Variants in ARPC3 observed in about 807,000 individuals in gnomAD.
The protein encoded by ARPC3 is actin related protein 2/3 complex subunit 3, also known as actin-related protein 2/3 complex subunit 3.
Under a neutral mutation model 27.6 loss-of-function variants are expected in ARPC3, and 12 were observed. The ratio of observed to expected loss-of-function variants is 0.43; its 90% CI spans 0.28 to 0.70. The LOEUF (loss-of-function observed/expected upper bound fraction) is 0.70. Among genes scored for constraint, ARPC3 ranks in the 30% least tolerant of loss-of-function variants. The probability of loss-of-function intolerance (pLI) is 0.17; values close to 1 mark genes in which losing one functional copy is unlikely to be tolerated. For missense variants in ARPC3, 153 were observed against 207.7 expected, an observed-to-expected ratio of 0.74 and a Z score of 1.62; for synonymous variants, 53 against 67.2, an observed-to-expected ratio of 0.79 and a Z score of 1.03.
At chr12:110,438,074 T>C (rs989101189) in intron 3 of ARPC3, among the ~76,000 whole-genome samples, 8 of 151,830 alleles carry the variant, frequency 5.3e-5, no homozygotes, top group Admixed American at 6.6e-5. Flanking sequence ...GGTGGGTGGA[T>C]TGCTTGAGCC....
intron 1 of ARPC3, among the ~76,000 whole-genome samples, chr12:110,448,526 A>G (rs1258594608): frequency 6.6e-6 from 1 of 151,548 alleles, no homozygotes; most frequent in African/African-American, 2.4e-5. Flanking sequence ...AAAACACAAA[A>G]ACTTAGCTGG....
intron 6 of ARPC3, 138 bp from the exon 7 acceptor site, chr12:110,435,355 T>A: frequency 1.4e-6 from 1 of 732,566 alleles, no homozygotes; most frequent in Non-Finnish European, 2.4e-6. Context: ...GGAGTCTCGC[T>A]CTGTCGCCCA....
chr12:110,436,692 A>AG lies in ARPC3; in HGVS notation c.253-10_253-9insC, dbSNP rs1404073113. On this transcript the variant is annotated splice_polypyrimidine_tract_variant and intron_variant, in intron 4 of 6. Transcript: ENST00000228825. ...TGGCTTTTGGAATTGCACTGGAAAA[A>AG]AAAATATATATATATATATACACAC... 1 of 797,828 alleles carries AG rather than the reference A, an allele frequency of 1.3e-6. No homozygotes were observed. Among genetic ancestry groups the AG allele is most frequent in the Non-Finnish European group, 1.9e-6 (1 of 522,752 alleles). The allele number at this position is 797,828 out of a possible 1,614,324, so 49.4% of individuals were successfully genotyped here.
intron 3 of ARPC3, among the ~76,000 whole-genome samples, chr12:110,440,007 G>C (rs1282772811): frequency 6.6e-6 from 1 of 152,158 alleles, no homozygotes; most frequent in Non-Finnish European, 1.5e-5. Flanking sequence ...GTTTTGGTGT[G>C]AAAGTAACTA....
In ARPC3 at chr12:110,450,300, C is replaced by T. The variant is rs777994061; in HGVS notation, c.-40G>A. 1.9e-6 allele frequency: 3 copies of T among 1,613,788 alleles called. No homozygotes were observed. In the Admixed American group the frequency reaches 5.0e-5, roughly 27 times the overall value. Reference sequence around the variant, plus strand: ...GGTTTCAACCCAGAGGAGCAGGATCCAGGTACAGCGGAGCGCTTCCGGTCT... The same window carrying T: ...GGTTTCAACCCAGAGGAGCAGGATCTAGGTACAGCGGAGCGCTTCCGGTCT... On this transcript the variant is annotated 5_prime_UTR_variant, in exon 1 of 7. Coordinates refer to ENST00000228825, the MANE Select transcript of ARPC3 (RefSeq NM_001278556.2).
chr12:110,442,177 T>A (rs1294980532), intron 2 of ARPC3, among the ~76,000 whole-genome samples: 3 of 151,554 alleles, frequency 2.0e-5, no homozygotes, highest in Middle Eastern at 3.4e-3. Context: ...AAAAAAAAAA[T>A]TTTTAATTGT....
intron 2 of ARPC3, 122 bp downstream of exon 2, chr12:110,445,330 C>G: frequency 1.3e-6 from 1 of 777,360 alleles, no homozygotes; most frequent in African/African-American, 1.7e-5. Context: ...CAGTATCTAC[C>G]AAGCAAAGTA....
chr12:110,437,038 C>T, intron 4 of ARPC3, 46 bp downstream of exon 4: 1 of 1,317,816 alleles, frequency 7.6e-7, no homozygotes, highest in South Asian at 1.2e-5. Flanking sequence ...GTAAATGCCT[C>T]TCAGCAATTT....
intron 4 of ARPC3, 29 bp from the exon 5 acceptor site, chr12:110,436,712 AC>A: frequency 6.3e-6 from 1 of 158,554 alleles, no homozygotes; most frequent in Non-Finnish European, 1.1e-5. Context: ...ATATATATAT[AC>A]ACACACACAC....
chr12:110,435,094 T>G lies in ARPC3; in HGVS notation c.*61A>C, dbSNP rs1225127190. 27 of 1,262,630 alleles carry G rather than the reference T, an allele frequency of 2.1e-5. No individual in the cohort carries two copies. Among genetic ancestry groups the G allele is most frequent in the Non-Finnish European group, 2.9e-5 (25 of 860,828 alleles). The allele number at this position is 1,262,630 out of a possible 1,614,324, so 78.2% of individuals were successfully genotyped here. A position where few individuals can be genotyped will look rare whatever the true frequency, so the allele number is the denominator to read the frequency against. On this transcript the variant is annotated 3_prime_UTR_variant, in exon 7 of 7. Transcript: ENST00000228825. ...TTTACGAAATAAAGGCAAAAGATTGTGTACATCTTGCTGGAAAATGCTGCC... is the reference window on the plus strand; with the variant it reads ...TTTACGAAATAAAGGCAAAAGATTGGGTACATCTTGCTGGAAAATGCTGCC...
At chr12:110,445,416 C>G in intron 2 of ARPC3, 36 bp downstream of exon 2, 1 of 1,474,550 alleles carries the variant, frequency 6.8e-7, no homozygotes, top group Non-Finnish European at 9.5e-7. Flanking sequence ...TTAGGCATTT[C>G]GTACCAAAAT....
Position 110,436,653 on chromosome 12 carries a change from T to C in ARPC3, c.283A>G (p.Met95Val). Residue 95 changes from methionine (M) to valine (V), a missense_variant, in exon 5 of 7, where the codon ATG becomes GTG. Transcript: ENST00000228825. ...AAATTAGTGATTCCCAGCGTATACA[T>C]TTCTTTCTCACCTTGGCTTTTGGAA... ...CNSKSQGEKEMYTLGITNFPI... is the reference protein window; with the variant it reads ...CNSKSQGEKEVYTLGITNFPI... 1 of 1,611,214 alleles carries C rather than the reference T, an allele frequency of 6.2e-7. No homozygotes were observed. Among genetic ancestry groups the C allele is most frequent in the Non-Finnish European group, 8.5e-7 (1 of 1,179,272 alleles).
chr12:110,442,820 A>G (rs2062445474), intron 2 of ARPC3: 7 of 152,154 alleles, frequency 4.6e-5, no homozygotes, highest in Admixed American at 2.0e-4. Context: ...CAAAAGCCAG[A>G]AATACTGTCT....
intron 1 of ARPC3, among the ~76,000 whole-genome samples, chr12:110,448,823 A>T (rs909007509): frequency 3.8e-5 from 5 of 130,924 alleles, no homozygotes; most frequent in Non-Finnish European, 7.8e-5. Flanking sequence ...CTGTCACTAG[A>T]CGAGTGCAGT....
At chr12:110,445,599 T>C (rs1159029629) in intron 1 of ARPC3, 48 bp from the exon 2 acceptor site, 1 of 1,382,206 alleles carries the variant, frequency 7.2e-7, no homozygotes, top group Non-Finnish European at 1.0e-6. Context: ...AAAGAGCAAA[T>C]GTCACTGTGG....
Position 110,434,878 on chromosome 12 carries a change from C to T in ARPC3, c.*277G>A. The T allele has an allele frequency of 1.6e-6, 1 of 607,268 alleles. No individual in the cohort carries two copies. The highest frequency in any genetic ancestry group is 3.0e-6 in the Non-Finnish European group (1 of 331,624). The allele number at this position is 607,268 out of a possible 1,614,324, so 37.6% of individuals were successfully genotyped here. On this transcript the variant is annotated 3_prime_UTR_variant, in exon 7 of 7. Coordinates refer to ENST00000228825, the MANE Select transcript of ARPC3 (RefSeq NM_001278556.2). ...ACAAATTGTAAGTGAATGTCAAAGACTGGCAATAAAGTTTTTCTGACATGG... is the reference window on the plus strand; with the variant it reads ...ACAAATTGTAAGTGAATGTCAAAGATTGGCAATAAAGTTTTTCTGACATGG...
In ARPC3 at chr12:110,435,223, AAG is replaced by A; in HGVS notation, c.475-8_475-7del. On this transcript the variant is annotated splice_region_variant and splice_polypyrimidine_tract_variant and intron_variant, in intron 6 of 6. Coordinates refer to ENST00000228825, the MANE Select transcript of ARPC3 (RefSeq NM_001278556.2). ...TTCACAAAGCAAGTCCACCACTAAC[AAG>A]AGAGAACAACACAGAATGAACAGCG... 2 of 1,610,162 alleles carry A rather than the reference AAG, an allele frequency of 1.2e-6. No individual in the cohort carries two copies. Among genetic ancestry groups the A allele is most frequent in the Non-Finnish European group, 1.7e-6 (2 of 1,176,418 alleles).
At chr12:110,441,948 C>T (rs2062439781) in intron 2 of ARPC3, among the ~76,000 whole-genome samples, 1 of 151,230 alleles carries the variant, frequency 6.6e-6, no homozygotes, top group Admixed American at 6.6e-5. Context: ...AGGAGAATCG[C>T]TTGAACTCGC....
intron 1 of ARPC3, 82 bp downstream of exon 1, chr12:110,450,173 C>T: frequency 1.3e-6 from 2 of 1,588,908 alleles, no homozygotes; most frequent in South Asian, 1.1e-5. Flanking sequence ...CTTCCGCCGC[C>T]CGCTTCTCTC....
Sources: gnomAD v4.1 joint callset for allele counts (sites outside exome capture counted in the v4.1 genomes callset) on GRCh38, gnomAD v4.1.1 for gene constraint, MANE v1.5 for transcripts, NCBI Gene and HGNC (gene_info 2026-07-23, HGNC 2026-07-21) for gene names.